The following LARS2 variants were observed in gnomAD, a reference collection of about 807,000 sequenced individuals.
LARS2 encodes the protein leucyl-tRNA synthetase 2, mitochondrial, also known as leucine--tRNA ligase, mitochondrial.
LARS2 carries 81 observed loss-of-function variants against 116.6 expected under a neutral mutation model. The ratio of observed to expected loss-of-function variants is 0.69; its 90% CI spans 0.58 to 0.84. LARS2 has a LOEUF of 0.84. Ranked by LOEUF, LARS2 falls within the 40% of genes least tolerant of loss-of-function variation. The pLI is 0.00. For synonymous variants in LARS2, 396 were observed against 407.2 expected (o/e 0.97, Z 0.33); for missense variants, 968 against 1,114.5 (o/e 0.87, Z 1.87).
rs372182532 is a variant in LARS2, at chr3:45,478,708, G to T, written c.1018+2081G>T. ...TATTCCAAATGGAACATTACACTTGGCAGTAAAATTTTCCAATTCTAATTT... is the reference window on the plus strand; with the variant it reads ...TATTCCAAATGGAACATTACACTTGTCAGTAAAATTTTCCAATTCTAATTT... On this transcript the variant is annotated intron_variant, in intron 10 of 21. Coordinates refer to ENST00000645846, the MANE Select transcript of LARS2 (RefSeq NM_015340.4). Among the ~76,000 whole-genome samples the T allele has an allele frequency of 1.5e-3, 221 of 152,184 alleles. 6 individuals are homozygous for T. In the South Asian group the frequency reaches 0.04, roughly 27 times the overall value.
chr3:45,479,906 A>AG (rs1225974338), intron 10 of LARS2, among the ~76,000 whole-genome samples: 2 of 152,182 alleles, frequency 1.3e-5, no homozygotes, highest in African/African-American at 4.8e-5. Context: ...TTTTTTGCTG[A>AG]AAGGGCAGAT....
intron 1 of LARS2, among the ~76,000 whole-genome samples, chr3:45,390,659 T>G (rs1697926179): frequency 6.8e-6 from 1 of 147,430 alleles, no homozygotes; most frequent in African/African-American, 2.5e-5. Context: ...ATTTATTTAT[T>G]TATTTATTTT....
intron 6 of LARS2, among the ~76,000 whole-genome samples, chr3:45,437,963 G>A (rs149012320): frequency 2.8e-3 from 429 of 152,264 alleles, no homozygotes; most frequent in African/African-American, 9.9e-3. Flanking sequence ...GAGGCAATAA[G>A]TGGTATGGAA....
At chr3:45,507,988 G>T (rs1575301780) in intron 15 of LARS2, among the ~76,000 whole-genome samples, 1 of 152,028 alleles carries the variant, frequency 6.6e-6, no homozygotes, top group Admixed American at 6.6e-5. Context: ...TTGAAAGAGA[G>T]GGGGCACATT....
intron 7 of LARS2, among the ~76,000 whole-genome samples, chr3:45,453,283 T>C (rs1699164030): frequency 1.3e-5 from 2 of 152,212 alleles, no homozygotes; most frequent in Non-Finnish European, 2.9e-5. Flanking sequence ...GGAGTCCTGT[T>C]GATCTCTCTT....
chr3:45,462,093 G>A (rs576304491), intron 8 of LARS2, among the ~76,000 whole-genome samples: 30 of 152,202 alleles, frequency 2.0e-4, no homozygotes, highest in East Asian at 1.9e-3. Flanking sequence ...TAATGCTTTC[G>A]GCTGCAAGCA....
At chr3:45,418,402 T>C (rs908262266) in intron 5 of LARS2, among the ~76,000 whole-genome samples, 3 of 152,250 alleles carry the variant, frequency 2.0e-5, no homozygotes, top group Non-Finnish European at 4.4e-5. Flanking sequence ...CCCTAGCTTC[T>C]ACTTTTCTAG....
intron 8 of LARS2, among the ~76,000 whole-genome samples, chr3:45,459,596 G>A (rs1949303): frequency 0.58 from 87,615 of 152,072 alleles, 28,209 homozygotes; most frequent in East Asian, 0.7. Context: ...ATTGAAAGCA[G>A]GGGCTTGCTT....
chr3:45,525,852 G>A (rs1035551869), intron 20 of LARS2, among the ~76,000 whole-genome samples: 1 of 152,166 alleles, frequency 6.6e-6, no homozygotes, highest in African/African-American at 2.4e-5. Context: ...TGGAATTCGG[G>A]AAGTCCTTAA....
At chr3:45,404,503 C>T (rs563688438) in intron 4 of LARS2, among the ~76,000 whole-genome samples, 6 of 152,286 alleles carry the variant, frequency 3.9e-5, no homozygotes, top group African/African-American at 1.2e-4. Flanking sequence ...TAAACTTGGA[C>T]TCAAGTTTAA....
At chr3:45,527,391 G>A (rs1259651824) in intron 20 of LARS2, among the ~76,000 whole-genome samples, 1 of 152,138 alleles carries the variant, frequency 6.6e-6, no homozygotes, top group Non-Finnish European at 1.5e-5. Context: ...TTGGGAGGCC[G>A]AGGCAGGTGG....
intron 6 of LARS2, among the ~76,000 whole-genome samples, chr3:45,439,213 T>TC (rs1030524087): frequency 2.0e-5 from 1 of 49,716 alleles, no homozygotes; most frequent in Non-Finnish European, 4.6e-5. Context: ...ACTCTGGCTT[T>TC]TTTTTTTTTT....
At chr3:45,445,513 G>T (rs951489831) in intron 6 of LARS2, among the ~76,000 whole-genome samples, 2 of 152,170 alleles carry the variant, frequency 1.3e-5, no homozygotes, top group East Asian at 3.8e-4. Context: ...GAAGCTGGAA[G>T]CCAGAGCAGG....
At chr3:45,395,779 C>G in intron 3 of LARS2, among the ~76,000 whole-genome samples, 1 of 151,874 alleles carries the variant, frequency 6.6e-6, no homozygotes, top group South Asian at 2.1e-4. Context: ...TTGTGTTAAA[C>G]TGAAAGATGA....
At chr3:45,448,608 G>C (rs7611631) in intron 7 of LARS2, among the ~76,000 whole-genome samples, 106,528 of 151,746 alleles carry the variant, frequency 0.7, 39,582 homozygotes, top group East Asian at 0.89. Context: ...AACAGAAAGG[G>C]AGTCATTAGC....
chr3:45,436,319 T>A (rs1430104485), intron 6 of LARS2, among the ~76,000 whole-genome samples: 1 of 151,794 alleles, frequency 6.6e-6, no homozygotes, highest in South Asian at 2.1e-4. Context: ...TAAAGGATGT[T>A]GTAGATTAAA....
chr3:45,444,141 A>G (rs1575258732), intron 6 of LARS2, among the ~76,000 whole-genome samples: 2 of 148,960 alleles, frequency 1.3e-5, no homozygotes, highest in Middle Eastern at 3.2e-3. Flanking sequence ...AGTAGCTGGG[A>G]CTACAGGTGC....
intron 20 of LARS2, among the ~76,000 whole-genome samples, chr3:45,534,349 A>G (rs917178988): frequency 2.0e-5 from 3 of 152,154 alleles, no homozygotes; most frequent in African/African-American, 7.2e-5. Context: ...GGGTTAATGT[A>G]ACAGAGTGTT....
At chr3:45,402,479 G>T (rs889512154) in intron 4 of LARS2, among the ~76,000 whole-genome samples, 1 of 152,176 alleles carries the variant, frequency 6.6e-6, no homozygotes, top group African/African-American at 2.4e-5. Flanking sequence ...GAACCCCAGT[G>T]GCCATTGCTA....
Sources: allele counts gnomAD v4.1 joint callset (sites outside exome capture counted in the v4.1 genomes callset), GRCh38; gene constraint gnomAD v4.1.1; transcripts MANE v1.5; gene names NCBI Gene and HGNC (gene_info 2026-07-23, HGNC 2026-07-21).